Variants in BMPR1A observed in about 807,000 individuals in gnomAD.
BMPR1A encodes the protein bone morphogenetic protein receptor type-1A.
In BMPR1A, 7 loss-of-function variants were observed where a neutral mutation model predicts 66.0. The observed-to-expected ratio is 0.11, with a 90% CI of 0.06 to 0.20. BMPR1A has a LOEUF of 0.20. BMPR1A is among the 10% of genes least tolerant of loss of function. The pLI is 1.00. For synonymous variants in BMPR1A, 200 were observed against 229.7 expected, an observed-to-expected ratio of 0.87 and a Z score of 1.17; for missense variants, 408 against 669.1, an observed-to-expected ratio of 0.61 and a Z score of 4.31.
At chr10:86,786,009 C>T (rs1030376587) in intron 1 of BMPR1A, among the ~76,000 whole-genome samples, 2 of 152,174 alleles carry the variant, frequency 1.3e-5, no homozygotes, top group Non-Finnish European at 2.9e-5. Context: ...GTCTTTAGCA[C>T]ACAACTTTGC....
intron 7 of BMPR1A, among the ~76,000 whole-genome samples, chr10:86,907,743 A>G (rs776428857): frequency 3.3e-5 from 5 of 152,244 alleles, no homozygotes; most frequent in Non-Finnish European, 5.9e-5. Context: ...GTTCTCAATC[A>G]TACGTGGGAG....
intron 1 of BMPR1A, among the ~76,000 whole-genome samples, chr10:86,798,411 A>G (rs1161219779): frequency 2.0e-5 from 3 of 152,244 alleles, no homozygotes; most frequent in Non-Finnish European, 2.9e-5. Context: ...TTATAAATAT[A>G]TAATTTGCTT....
At chr10:86,929,599 C>T (rs1564727590), downstream of BMPR1A, 3 of 152,208 alleles carry the variant, frequency 2.0e-5, no homozygotes, top group African/African-American at 7.2e-5. Flanking sequence ...CTTACAGATT[C>T]CTCACGGGAG....
intron 1 of BMPR1A, among the ~76,000 whole-genome samples, chr10:86,804,640 G>A (rs949709875): frequency 2.0e-5 from 3 of 152,046 alleles, no homozygotes; most frequent in African/African-American, 7.2e-5. Context: ...CAAGATTGGT[G>A]CAAGGTTGGT....
intron 1 of BMPR1A, among the ~76,000 whole-genome samples, chr10:86,788,708 C>T (rs1486970038): frequency 6.6e-6 from 1 of 152,034 alleles, no homozygotes; most frequent in African/African-American, 2.4e-5. Context: ...CCTGGGTTCA[C>T]GCGACTCTCC....
At chr10:86,805,461 CTT>C (rs1332479141) in intron 1 of BMPR1A, among the ~76,000 whole-genome samples, 8 of 109,042 alleles carry the variant, frequency 7.3e-5, no homozygotes, top group South Asian at 6.4e-4. Flanking sequence ...TTTCAGTTTC[CTT>C]TTTTTTTTTT....
At chr10:86,869,608 T>A (rs1311644982) in intron 2 of BMPR1A, among the ~76,000 whole-genome samples, 1 of 151,892 alleles carries the variant, frequency 6.6e-6, no homozygotes, top group African/African-American at 2.4e-5. Flanking sequence ...AATACAAAAA[T>A]TAGCTGGGCG....
chr10:86,895,627 A>G (rs1342979335), intron 5 of BMPR1A, among the ~76,000 whole-genome samples: 1 of 152,210 alleles, frequency 6.6e-6, no homozygotes, highest in African/African-American at 2.4e-5. Flanking sequence ...TGATGATGAC[A>G]AAAGGAAAAA....
intron 1 of BMPR1A, among the ~76,000 whole-genome samples, chr10:86,783,723 G>A (rs1214940298): frequency 6.6e-6 from 1 of 152,146 alleles, no homozygotes; most frequent in East Asian, 1.9e-4. Flanking sequence ...CGCGTAGCTG[G>A]GACTACAGGC....
intron 3 of BMPR1A, among the ~76,000 whole-genome samples, chr10:86,885,833 T>C (rs1294291271): frequency 6.6e-6 from 1 of 152,170 alleles, no homozygotes; most frequent in Non-Finnish European, 1.5e-5. Context: ...ATTTATTTGC[T>C]GTAGAAAAAG....
chr10:86,829,040 A>G (rs1434209819), intron 1 of BMPR1A, among the ~76,000 whole-genome samples: 1 of 152,044 alleles, frequency 6.6e-6, no homozygotes, highest in African/African-American at 2.4e-5. Context: ...GAATTGCCAC[A>G]CCTTCACGGA....
At chr10:86,851,551 C>T (rs1842567876) in intron 2 of BMPR1A, among the ~76,000 whole-genome samples, 1 of 152,160 alleles carries the variant, frequency 6.6e-6, no homozygotes, top group South Asian at 2.1e-4. Flanking sequence ...TGCAAAGCAG[C>T]TGTGATGTGT....
At chr10:86,774,919 C>T (rs75237838) in intron 1 of BMPR1A, among the ~76,000 whole-genome samples, 1 of 152,274 alleles carries the variant, frequency 6.6e-6, no homozygotes, top group East Asian at 1.9e-4. Flanking sequence ...CCTTCCTCAA[C>T]CTGATAAAGG....
intron 8 of BMPR1A, among the ~76,000 whole-genome samples, chr10:86,916,672 C>T (rs1443216743): frequency 6.6e-6 from 1 of 152,134 alleles, no homozygotes; most frequent in African/African-American, 2.4e-5. Context: ...TTTCAGAATA[C>T]ATTGTACATT....
rs1843706112 is a variant in BMPR1A at position 86,923,885 on chromosome 10, A to G, written c.*166A>G. 2.6e-6 allele frequency: 2 copies of G among 760,626 alleles called. No individual in the cohort carries two copies. Among genetic ancestry groups the G allele is most frequent in the Non-Finnish European group, 4.3e-6 (2 of 465,740 alleles). 47.1% of individuals were successfully genotyped at this position (760,626 alleles called of 1,614,324 possible). ...AACCTTTCAGTACTCTTATTAGGAT[A>G]CAAGCTGGGAACTTCTAAACACTTC... On this transcript the variant is annotated 3_prime_UTR_variant, in exon 13 of 13. Transcript: ENST00000372037.
At chr10:86,909,963 A>G (rs1028643748) in intron 7 of BMPR1A, among the ~76,000 whole-genome samples, 1 of 152,212 alleles carries the variant, frequency 6.6e-6, no homozygotes, top group Non-Finnish European at 1.5e-5. Context: ...TTCCAAATTC[A>G]GTAATTCCTA....
intron 10 of BMPR1A, among the ~76,000 whole-genome samples, chr10:86,919,865 A>T (rs71473284): frequency 0.062 from 9,359 of 151,824 alleles, 690 homozygotes; most frequent in African/African-American, 0.17. Flanking sequence ...GCACTGCCAC[A>T]CCTAGCTAAT....
At chr10:86,807,012 T>G (rs181044064) in intron 1 of BMPR1A, among the ~76,000 whole-genome samples, 1 of 152,268 alleles carries the variant, frequency 6.6e-6, no homozygotes, top group East Asian at 1.9e-4. Flanking sequence ...CAGGCTTCTA[T>G]AGGACCTTCT....
chr10:86,756,605 C>T (rs1847866327), upstream of BMPR1A: 1 of 151,288 alleles, frequency 6.6e-6, no homozygotes, highest in East Asian at 1.9e-4. Flanking sequence ...CGCGCCGCCC[C>T]CTCCCCTCCT....
Sources: allele counts gnomAD v4.1 joint callset (sites outside exome capture counted in the v4.1 genomes callset), GRCh38; gene constraint gnomAD v4.1.1; transcripts MANE v1.5; gene names NCBI Gene and HGNC (gene_info 2026-07-23, HGNC 2026-07-21).